CLVS1: variants seen among roughly 807,000 people sequenced by gnomAD.
CLVS1 encodes the protein clavesin-1.
In CLVS1, 10 loss-of-function variants were observed where a neutral mutation model predicts 33.1. The ratio of observed to expected loss-of-function variants is 0.30; its 90% CI spans 0.19 to 0.51. The LOEUF (loss-of-function observed/expected upper bound fraction) is 0.51. Among genes scored for constraint, CLVS1 ranks in the 20% least tolerant of loss-of-function variants. The pLI is 0.97. For synonymous variants in CLVS1, 163 were observed against 166.1 expected (o/e 0.98, Z 0.14); for missense variants, 343 against 433.4 (o/e 0.79, Z 1.85).
At chr8:61,374,239 A>T (rs996287495) in intron 2 of CLVS1, among the ~76,000 whole-genome samples, 1 of 152,144 alleles carries the variant, frequency 6.6e-6, no homozygotes, top group African/African-American at 2.4e-5. Flanking sequence ...TTCTTGAAAC[A>T]TTCTCTTCTT....
chr8:61,234,910 T>C (rs957417224), intron 2 of CLVS1, among the ~76,000 whole-genome samples: 1 of 152,210 alleles, frequency 6.6e-6, no homozygotes, highest in Non-Finnish European at 1.5e-5. Context: ...GGTTAGCTTC[T>C]ACCCTGCATC....
rs2129594599 is a variant in CLVS1, at chr8:61,299,913, G to T, written c.86G>T (p.Gly29Val). The change falls in exon 2 of 6, where the codon GGA becomes GTA. Residue 29 changes from glycine (G) to valine (V), a missense_variant. By Grantham distance (109) the Gly-to-Val change is moderately radical. This residue lies in a region of CLVS1 where 88 missense variants were observed against 77.3 expected (regional missense o/e 1.14). Transcript: ENST00000325897. Reference sequence around the variant, plus strand: ...GCCAAGATGACCCATTTACAGGCTGGACTCAGTCCAGAGACTATAGAGAAA... The same window carrying T: ...GCCAAGATGACCCATTTACAGGCTGTACTCAGTCCAGAGACTATAGAGAAA... ...DLAKMTHLQA[G>V]LSPETIEKAR... 7 of 1,613,944 alleles carry T rather than the reference G, an allele frequency of 4.3e-6. No homozygotes were observed. The highest frequency in any genetic ancestry group is 1.1e-5 in the South Asian group (1 of 91,078).
At chr8:61,168,560 T>G (rs373686463) in intron 2 of CLVS1, among the ~76,000 whole-genome samples, 167 of 152,356 alleles carry the variant, frequency 1.1e-3, no homozygotes, top group African/African-American at 3.8e-3. Flanking sequence ...TTTTTGAGAT[T>G]TTATTATTTA....
chr8:61,032,027 G>A, the CLVS1 span, among the ~76,000 whole-genome samples: 1 of 152,208 alleles, frequency 6.6e-6, no homozygotes, highest in Non-Finnish European at 1.5e-5. Context: ...CAAAGAAACA[G>A]GATCTTCATG....
chr8:61,177,771 CA>C, intron 2 of CLVS1, among the ~76,000 whole-genome samples: 1 of 149,096 alleles, frequency 6.7e-6, no homozygotes, highest in East Asian at 2.0e-4. Context: ...GAAAGAAAAA[CA>C]AACACAACGG....
At chr8:61,237,683 G>A (rs1467405929) in intron 2 of CLVS1, among the ~76,000 whole-genome samples, 3 of 152,152 alleles carry the variant, frequency 2.0e-5, no homozygotes, top group Non-Finnish European at 4.4e-5. Context: ...AGAAGGCAGG[G>A]GTTTGATGGG....
chr8:61,044,234 C>T, the CLVS1 span, among the ~76,000 whole-genome samples: 1 of 152,096 alleles, frequency 6.6e-6, no homozygotes, highest in South Asian at 2.1e-4. Context: ...CAGCATAGAA[C>T]CTGTGGTTCT....
intron 1 of CLVS1, among the ~76,000 whole-genome samples, chr8:61,100,728 G>T (rs936549625): frequency 6.6e-6 from 1 of 152,078 alleles, no homozygotes; most frequent in Non-Finnish European, 1.5e-5. Context: ...TCCACTAGGT[G>T]CTGTTCCCAC....
At chr8:61,145,011 G>A (rs1238907734) in intron 2 of CLVS1, among the ~76,000 whole-genome samples, 3 of 152,226 alleles carry the variant, frequency 2.0e-5, no homozygotes, top group South Asian at 2.1e-4. Flanking sequence ...GATTACAGGT[G>A]TGAGCCACCG....
chr8:61,340,530 AG>A (rs1811994058), intron 2 of CLVS1, among the ~76,000 whole-genome samples: 1 of 151,656 alleles, frequency 6.6e-6, no homozygotes, highest in Admixed American at 6.5e-5. Context: ...CTTCTTTTTA[AG>A]GCTGAATAGT....
chr8:61,273,255 A>G (rs1334019560), intron 2 of CLVS1, among the ~76,000 whole-genome samples: 1 of 151,896 alleles, frequency 6.6e-6, no homozygotes, highest in Non-Finnish European at 1.5e-5. Flanking sequence ...CTGCCGTGTG[A>G]GGTGTCAGTC....
Position 61,299,968 on chromosome 8 carries a change from T to G in CLVS1, c.141T>G (p.Asp47Glu). The part of the protein sequence containing the change: ...KARLELNENP[D>E]VLHQDIQQVR... ...GCCTGGAACTGAATGAAAACCCCGA[T>G]GTTTTACATCAGGATATTCAGCAAG... is the stretch of plus-strand genomic sequence containing the variant. Residue 47 changes from aspartate to glutamate, a missense_variant, in exon 2 of 6, where the codon GAT becomes GAG. Asp to Glu is a conservative substitution (Grantham distance 45, BLOSUM62 2). Around this residue, in one of 4 missense-constraint regions of CLVS1, gnomAD observed 88 missense variants for 77.3 expected, o/e 1.14. Coordinates refer to ENST00000325897, the MANE Select transcript of CLVS1 (RefSeq NM_173519.3). 2 of 1,614,026 alleles carry G rather than the reference T, an allele frequency of 1.2e-6. No individual in the cohort carries two copies. The highest frequency in any genetic ancestry group is 2.2e-5 in the South Asian group (2 of 91,078).
chr8:61,176,884 C>T (rs370401329), intron 2 of CLVS1, among the ~76,000 whole-genome samples: 201 of 152,348 alleles, frequency 1.3e-3, no homozygotes, highest in African/African-American at 4.5e-3. Flanking sequence ...ATCCCAATCA[C>T]GGAGCCACTC....
chr8:61,038,437 G>GTATATATATATATATATATA, the CLVS1 span, among the ~76,000 whole-genome samples: 2 of 142,720 alleles, frequency 1.4e-5, no homozygotes, highest in Non-Finnish European at 3.1e-5. Flanking sequence ...CCTGTCGTTT[G>GTATATATATATATATATATA]TATATATATA....
chr8:61,210,903 G>C (rs1356580916), intron 2 of CLVS1, among the ~76,000 whole-genome samples: 1 of 152,008 alleles, frequency 6.6e-6, no homozygotes, highest in Non-Finnish European at 1.5e-5. Context: ...GTCAAAGAAA[G>C]AGCCTGGAGG....
chr8:61,435,267 G>T lies in CLVS1; in HGVS notation c.631-18874G>T, dbSNP rs73685028. Among the ~76,000 whole-genome samples, 1,157 of 152,274 alleles carry T rather than the reference G, an allele frequency of 7.6e-3. 18 individuals carry two copies. Among genetic ancestry groups the T allele is most frequent in the African/African-American group, 0.027 (1,112 of 41,544 alleles). On this transcript the variant is annotated intron_variant, in intron 3 of 5. Transcript: ENST00000325897. ...TGAAAGGGAAAAACAATCAAAAGCAGCAGAAAATAAGGAGTCAGCCCTCAG... is the reference window on the plus strand; with the variant it reads ...TGAAAGGGAAAAACAATCAAAAGCATCAGAAAATAAGGAGTCAGCCCTCAG...
At chr8:61,166,068 G>A (rs935784221) in intron 2 of CLVS1, among the ~76,000 whole-genome samples, 9 of 134,198 alleles carry the variant, frequency 6.7e-5, no homozygotes, top group African/African-American at 2.4e-4. Context: ...AATGCTACAG[G>A]TTTGAAAGGG....
rs566837368 is a variant in CLVS1, at chr8:61,356,430, T to C, written c.456-20175T>C. Among the ~76,000 whole-genome samples the C allele has an allele frequency of 1.2e-3, 177 of 151,986 alleles. 1 individual carries two copies. Among genetic ancestry groups the C allele is most frequent in the African/African-American group, 4.0e-3 (166 of 41,476 alleles). On this transcript the variant is annotated intron_variant, in intron 2 of 5. Coordinates refer to ENST00000325897, the MANE Select transcript of CLVS1 (RefSeq NM_173519.3). The stretch of plus-strand genomic sequence containing the variant: ...GCTCTTTTGTTTAATTAGATCCCAT[T>C]TGTCAATTTTGGCTTTTGTTGCCAT...
At chr8:61,077,231 A>C (rs1381779055) in intron 1 of CLVS1, among the ~76,000 whole-genome samples, 7 of 148,644 alleles carry the variant, frequency 4.7e-5, no homozygotes, top group Non-Finnish European at 1.0e-4. Context: ...CTGCCACCAC[A>C]CCCGCTAATT....
Sources: gnomAD v4.1 joint callset for allele counts (sites outside exome capture counted in the v4.1 genomes callset) on GRCh38, gnomAD v4.1.1 for gene constraint, gnomAD v4.1.1 regional missense constraint, MANE v1.5 for transcripts, NCBI Gene and HGNC (gene_info 2026-07-23, HGNC 2026-07-21) for gene names.